The following SAMMSON variants were observed in gnomAD, a reference collection of about 807,000 sequenced individuals.
SAMMSON encodes the protein long intergenic non-protein coding RNA 1212.
intron 9 of SAMMSON, among the ~76,000 whole-genome samples, chr3:70,377,371 A>G (rs1026525785): frequency 2.0e-5 from 3 of 152,138 alleles, no homozygotes; most frequent in African/African-American, 4.8e-5. Context: ...TGTAATGAAG[A>G]TGGTACTTTA....
rs562538401 is a variant in SAMMSON at position 70,069,426 on chromosome 3, G to A, written n.418-2050G>A. On this transcript the variant is annotated intron_variant and non_coding_transcript_variant, in intron 3 of 9. Transcript: ENST00000642114. ...TCATAGTGCAGCAAAACAGAGAGCT[G>A]TAGCAAATATTTGTAATGTGAAAAG... is the stretch of plus-strand genomic sequence containing the variant. 5 of 152,242 alleles carry A rather than the reference G, an allele frequency of 3.3e-5. 1 individual carries two copies. The South Asian group carries it at 1.0e-3, about 32-fold the overall frequency. 9.4% of individuals were successfully genotyped at this position (152,242 alleles called of 1,614,324 possible).
chr3:70,154,500 A>G (rs1236241398), intron 4 of SAMMSON, among the ~76,000 whole-genome samples: 1 of 152,020 alleles, frequency 6.6e-6, no homozygotes, highest in African/African-American at 2.4e-5. Context: ...AAGAGACTAT[A>G]CTTGAATTGA....
intron 4 of SAMMSON, among the ~76,000 whole-genome samples, chr3:70,147,050 A>T (rs2067551817): frequency 6.6e-6 from 1 of 152,024 alleles, no homozygotes; most frequent in African/African-American, 2.4e-5. Context: ...ACCAAAATTT[A>T]AAAAATTACT....
At chr3:70,107,837 C>T (rs2067373220) in intron 4 of SAMMSON, among the ~76,000 whole-genome samples, 1 of 151,948 alleles carries the variant, frequency 6.6e-6, no homozygotes. Flanking sequence ...TTTTACCTAC[C>T]ATGTATTTGG....
intron 6 of SAMMSON, among the ~76,000 whole-genome samples, chr3:70,262,198 A>T (rs1245766503): frequency 1.3e-5 from 2 of 152,188 alleles, no homozygotes; most frequent in African/African-American, 4.8e-5. Flanking sequence ...AAAGAACAAA[A>T]ATCATATGAT....
chr3:70,130,242 GA>G (rs2067477197), intron 4 of SAMMSON, among the ~76,000 whole-genome samples: 1 of 152,202 alleles, frequency 6.6e-6, no homozygotes, highest in African/African-American at 2.4e-5. Flanking sequence ...GTAAGTCAAA[GA>G]ATTGCATCTG....
chr3:70,285,188 C>A lies in SAMMSON; in HGVS notation n.675-5991C>A, dbSNP rs534544376. Among the ~76,000 whole-genome samples, 166 of 147,404 alleles carry A rather than the reference C, an allele frequency of 1.1e-3. 1 individual carries two copies. The highest frequency in any genetic ancestry group is 4.0e-3 in the African/African-American group (160 of 39,960). ...TGTCATCTAGCATTAGGTATACCTC[C>A]CAATGCTATCCCTCCCCCCTCCCCC... On this transcript the variant is annotated intron_variant and non_coding_transcript_variant, in intron 6 of 9. Transcript: ENST00000642114.
At chr3:70,409,546 C>T (rs1701202064) in intron 2 of SAMMSON, among the ~76,000 whole-genome samples, 1 of 151,768 alleles carries the variant, frequency 6.6e-6, no homozygotes, top group Non-Finnish European at 1.5e-5. Flanking sequence ...ATTTTGGTTG[C>T]AACACTGGCT....
chr3:70,353,806 C>T (rs1702811407), intron 7 of SAMMSON, among the ~76,000 whole-genome samples: 1 of 152,214 alleles, frequency 6.6e-6, no homozygotes, highest in Non-Finnish European at 1.5e-5. Flanking sequence ...AACCCCAAAA[C>T]TGAAGACAAC....
At chr3:70,300,443 A>G (rs1435428786) in intron 7 of SAMMSON, among the ~76,000 whole-genome samples, 2 of 152,112 alleles carry the variant, frequency 1.3e-5, no homozygotes, top group Admixed American at 1.3e-4. Flanking sequence ...CAATAAAAAT[A>G]TAGTTAGAAG....
chr3:70,313,197 C>T (rs1284714254), intron 7 of SAMMSON, among the ~76,000 whole-genome samples: 1 of 152,140 alleles, frequency 6.6e-6, no homozygotes. Flanking sequence ...GACATGGTGG[C>T]TCACGCCTGT....
At chr3:70,195,435 G>C (rs560603968) in intron 4 of SAMMSON, among the ~76,000 whole-genome samples, 13 of 152,272 alleles carry the variant, frequency 8.5e-5, no homozygotes, top group African/African-American at 3.1e-4. Flanking sequence ...TGCCTTTTTA[G>C]AGGCAGTTTA....
chr3:70,122,867 C>A (rs185299949), intron 4 of SAMMSON, among the ~76,000 whole-genome samples: 2 of 152,258 alleles, frequency 1.3e-5, no homozygotes, highest in East Asian at 1.9e-4. Flanking sequence ...CCAAATTTTT[C>A]CAACCTTACT....
chr3:70,138,429 A>G (rs898253255), intron 4 of SAMMSON, among the ~76,000 whole-genome samples: 2 of 151,438 alleles, frequency 1.3e-5, no homozygotes, highest in Non-Finnish European at 2.9e-5. Flanking sequence ...CTCACGTGGC[A>G]GAAGGGGTGA....
intron 4 of SAMMSON, among the ~76,000 whole-genome samples, chr3:70,242,975 T>C (rs1451479543): frequency 6.6e-6 from 1 of 152,212 alleles, no homozygotes; most frequent in Non-Finnish European, 1.5e-5. Context: ...AGGCCTAACC[T>C]AAATACTAAT....
chr3:70,273,709 A>T (rs777025547), intron 6 of SAMMSON, among the ~76,000 whole-genome samples: 2 of 152,266 alleles, frequency 1.3e-5, no homozygotes, highest in Non-Finnish European at 2.9e-5. Flanking sequence ...ACTGGCAGGC[A>T]TTACTAATCA....
intron 2 of SAMMSON, among the ~76,000 whole-genome samples, chr3:70,430,178 C>T (rs951848604): frequency 5.3e-5 from 8 of 151,936 alleles, no homozygotes; most frequent in African/African-American, 1.4e-4. Flanking sequence ...TAGCATGAAG[C>T]GGTGTTGAAT....
intron 2 of SAMMSON, among the ~76,000 whole-genome samples, chr3:70,013,059 G>T (rs910930845): frequency 1.3e-5 from 2 of 151,842 alleles, no homozygotes; most frequent in African/African-American, 4.8e-5. Context: ...AGTTAATTTT[G>T]GTTTTCCTAT....
intron 4 of SAMMSON, among the ~76,000 whole-genome samples, chr3:70,207,433 C>A (rs1325422984): frequency 6.6e-6 from 1 of 151,980 alleles, no homozygotes. Flanking sequence ...CTGTCTGGCA[C>A]AATAGCTAGA....
Sources: allele counts gnomAD v4.1 joint callset (sites outside exome capture counted in the v4.1 genomes callset), GRCh38; gene constraint gnomAD v4.1.1; transcripts MANE v1.5; gene names NCBI Gene and HGNC (gene_info 2026-07-23, HGNC 2026-07-21).